The following NHLRC2 variants were observed in gnomAD, a reference collection of about 807,000 sequenced individuals.
The protein encoded by NHLRC2 is NHL repeat-containing protein 2.
In NHLRC2, 33 loss-of-function variants were observed where a neutral mutation model predicts 68.1. That is an observed-to-expected ratio of 0.48 (90% CI 0.37 to 0.65). The LOEUF (loss-of-function observed/expected upper bound fraction) is 0.65, where lower values mean the gene tolerates loss of function less well. Among genes scored for constraint, NHLRC2 ranks in the 30% least tolerant of loss-of-function variants. The probability of loss-of-function intolerance (pLI) is 0.00; values close to 1 mark genes in which losing one functional copy is unlikely to be tolerated. For synonymous variants in NHLRC2, 311 were observed against 309.6 expected (o/e 1.00, Z -0.05); for missense variants, 761 against 853.8 (o/e 0.89, Z 1.35).
intron 2 of NHLRC2, among the ~76,000 whole-genome samples, chr10:113,871,106 C>T (rs1337378693): frequency 3.5e-5 from 5 of 143,388 alleles, no homozygotes; most frequent in South Asian, 2.2e-4. Flanking sequence ...TTCACCGCAA[C>T]GTTTGCCTCT....
chr10:113,878,808 C>T (rs899301017), intron 3 of NHLRC2, among the ~76,000 whole-genome samples: 1 of 152,168 alleles, frequency 6.6e-6, no homozygotes, highest in East Asian at 1.9e-4. Flanking sequence ...AGATTACAGA[C>T]GTGAGCCACT....
Position 113,876,808 on chromosome 10 carries a change from A to T in NHLRC2, c.619A>T (p.Asn207Tyr). Reference protein sequence around the residue: ...YYKDRGQIRDNKIGIKLYKDS... With the variant: ...YYKDRGQIRDYKIGIKLYKDS... ...CAAAGACAGGGGGCAGATCAGAGAT[A>T]ATAAAATTGGAATAAAACTCTATAA... The change falls in exon 3 of 11, where the codon AAT becomes TAT. Residue 207 changes from asparagine (N) to tyrosine (Y), a missense_variant. Physicochemically the swap from Asn to Tyr is moderately radical, Grantham distance 143. Coordinates refer to ENST00000369301, the MANE Select transcript of NHLRC2 (RefSeq NM_198514.4). 6.2e-7 allele frequency: 1 copy of T among 1,612,852 alleles called. No individual in the cohort carries two copies. The highest frequency in any genetic ancestry group is 1.1e-5 in the South Asian group (1 of 91,038).
At chr10:113,879,392 A>C (rs552263643) in intron 3 of NHLRC2, among the ~76,000 whole-genome samples, 182 bp from the exon 4 acceptor site, 24 of 152,300 alleles carry the variant, frequency 1.6e-4, no homozygotes, top group African/African-American at 5.1e-4. Context: ...TAATTGTACT[A>C]TGAGCCCTGT....
Position 113,903,587 on chromosome 10 carries a change from A to G in NHLRC2, c.1555A>G (p.Asn519Asp). 6.2e-7 allele frequency: 1 copy of G among 1,612,974 alleles called. No homozygotes were observed. Among genetic ancestry groups the G allele is most frequent in the South Asian group, 1.1e-5 (1 of 91,040 alleles). Residue 519 changes from asparagine (N) to aspartate (D), a missense_variant, in exon 9 of 11, where the codon AAT (asparagine) becomes GAT (aspartate). Physicochemically the swap from Asn to Asp is conservative, Grantham distance 23. Transcript: ENST00000369301. ...AACATTAGCAGGAACTGGAGACACA[A>G]ATAATGTTACCAGTTCCAGTTTTAC... ...CTTLAGTGDT[N>D]NVTSSSFTES...
intron 2 of NHLRC2, among the ~76,000 whole-genome samples, chr10:113,862,439 A>C (rs1382942325): frequency 1.3e-5 from 2 of 152,094 alleles, no homozygotes; most frequent in Admixed American, 1.3e-4. Context: ...AAATGAAATA[A>C]GAAAAGAATT....
At chr10:113,895,492 G>A (rs958875631) in intron 5 of NHLRC2, among the ~76,000 whole-genome samples, 3 of 152,212 alleles carry the variant, frequency 2.0e-5, no homozygotes, top group African/African-American at 7.2e-5. Context: ...GATAAGGGGA[G>A]TAGGGAAGAA....
chr10:113,899,563 C>G (rs190727064), intron 6 of NHLRC2, among the ~76,000 whole-genome samples: 16 of 152,260 alleles, frequency 1.1e-4, no homozygotes, highest in Middle Eastern at 3.4e-3. Flanking sequence ...AGTGAACTTA[C>G]AGAGGAAGAA....
chr10:113,901,651 A>C lies in NHLRC2; in HGVS notation c.1140-15A>C, dbSNP rs1295412712. The C allele has an allele frequency of 6.4e-7, 1 of 1,551,316 alleles. No homozygotes were observed. The highest frequency in any genetic ancestry group is 8.9e-7 in the Non-Finnish European group (1 of 1,123,036). ...TACCACATGTTGACTCCACCTATGA[A>C]CTTGTCTTTTTCAGTGAGTTAACAA... On this transcript the variant is annotated splice_polypyrimidine_tract_variant and intron_variant, in intron 6 of 10. Coordinates refer to ENST00000369301, the MANE Select transcript of NHLRC2 (RefSeq NM_198514.4).
chr10:113,859,634 A>G (rs968967394), intron 2 of NHLRC2, among the ~76,000 whole-genome samples: 1 of 152,192 alleles, frequency 6.6e-6, no homozygotes, highest in African/African-American at 2.4e-5. Flanking sequence ...GTTATTAAAA[A>G]TTTATCTGTA....
intron 1 of NHLRC2, among the ~76,000 whole-genome samples, chr10:113,857,333 A>G (rs1845769528): frequency 6.6e-6 from 1 of 152,178 alleles, no homozygotes; most frequent in African/African-American, 2.4e-5. Flanking sequence ...GAAGTTTTGT[A>G]TGATCACTTG....
rs899694502 is a variant in NHLRC2, at chr10:113,909,965, A to G, written c.*1429A>G. 2 of 152,280 alleles carry G rather than the reference A, an allele frequency of 1.3e-5. No individual in the cohort carries two copies. Among genetic ancestry groups the G allele is most frequent in the Non-Finnish European group, 2.9e-5 (2 of 68,026 alleles). 9.4% of individuals were successfully genotyped at this position (152,280 alleles called of 1,614,324 possible). A position where few individuals can be genotyped will look rare whatever the true frequency, so the allele number is the denominator to read the frequency against. On this transcript the variant is annotated 3_prime_UTR_variant, in exon 11 of 11. Coordinates refer to ENST00000369301, the MANE Select transcript of NHLRC2 (RefSeq NM_198514.4). ...AATGTAGTATTAGTTTGTTTTATTC[A>G]TAAGGTTAGCTGAATCTCTGAAGTA...
chr10:113,879,549 A>C, intron 3 of NHLRC2, 25 bp from the exon 4 acceptor site: 1 of 1,584,566 alleles, frequency 6.3e-7, no homozygotes, highest in South Asian at 1.2e-5. Context: ...TCACTTCTTA[A>C]GTGGCAAATT....
In NHLRC2 at chr10:113,876,954, A is replaced by G. The variant is rs750685653; in HGVS notation, c.765A>G (p.Gly255=). 5.0e-6 allele frequency: 8 copies of G among 1,597,312 alleles called. No individual in the cohort carries two copies. In the East Asian group the frequency reaches 1.3e-4, roughly 27 times the overall value. ...GAATTTTGGTCGTTTGGAAGAATGGACAAATTCAATATAGCATTGGAGGTA... is the reference window on the plus strand; with the variant it reads ...GAATTTTGGTCGTTTGGAAGAATGGGCAAATTCAATATAGCATTGGAGGTA... ...HHRILVVWKN[G]QIQYSIGGPN... The change falls in exon 3 of 11, where the codon GGA becomes GGG. Residue 255 remains glycine, a synonymous_variant. Transcript: ENST00000369301.
rs1420946285 is a variant in NHLRC2, at chr10:113,912,718, T to C, written c.*4182T>C. On this transcript the variant is annotated 3_prime_UTR_variant, in exon 11 of 11. Coordinates refer to ENST00000369301, the MANE Select transcript of NHLRC2 (RefSeq NM_198514.4). ...TAACCTTATAAATCGGGCAGGTAGA[T>C]GTTAGTTTACAGAGGAGGAGACAGC... The C allele has an allele frequency of 2.6e-5, 4 of 152,232 alleles. No individual in the cohort carries two copies. Among genetic ancestry groups the C allele is most frequent in the Non-Finnish European group, 5.9e-5 (4 of 68,042 alleles). 9.4% of individuals were successfully genotyped at this position (152,232 alleles called of 1,614,324 possible). A position where few individuals can be genotyped will look rare whatever the true frequency, so the allele number is the denominator to read the frequency against.
At chr10:113,884,479 T>C (rs1243469593) in intron 5 of NHLRC2, 99 bp downstream of exon 5, 2 of 941,094 alleles carry the variant, frequency 2.1e-6, no homozygotes, top group Non-Finnish European at 3.1e-6. Flanking sequence ...TTACTAGTTA[T>C]TTTATTTTAT....
chr10:113,868,359 TAAA>T (rs1845889398), intron 2 of NHLRC2, among the ~76,000 whole-genome samples: 3 of 152,198 alleles, frequency 2.0e-5, no homozygotes, highest in Admixed American at 2.0e-4. Flanking sequence ...AAAGGATTCA[TAAA>T]GGGCAGAATC....
At position 113,901,903 on chromosome 10, in the gene NHLRC2, GACAGTCACTCTTGC is replaced by G; in HGVS notation, c.1371+12_1371+25del. 6.3e-7 allele frequency: 1 copy of G among 1,586,172 alleles called. No individual in the cohort carries two copies. Among genetic ancestry groups the G allele is most frequent in the Non-Finnish European group, 8.7e-7 (1 of 1,154,606 alleles). On this transcript the variant is annotated splice_region_variant and intron_variant, in intron 7 of 10. Transcript: ENST00000369301. ...GAGGAGAAAGAGACCCCATGGTAAT[GACAGTCACTCTTGC>G]ACAGTGCGCTCGGACACTGAGCAAG...
In NHLRC2 at chr10:113,857,034, T is replaced by G. The variant is rs115997121; in HGVS notation, c.179-1494T>G. 2.7e-3 allele frequency among the ~76,000 whole-genome samples: 411 copies of G among 152,308 alleles called. 2 individuals are homozygous for G. The highest frequency in any genetic ancestry group is 9.6e-3 in the African/African-American group (401 of 41,564). On this transcript the variant is annotated intron_variant, in intron 1 of 10. Coordinates refer to ENST00000369301, the MANE Select transcript of NHLRC2 (RefSeq NM_198514.4). ...TTTCTCACTTGCAAAACTGAACTAT[T>G]ATTTACCTTTCAGGATTATTATTTG...
chr10:113,863,199 C>A (rs893954954), intron 2 of NHLRC2, among the ~76,000 whole-genome samples: 10 of 152,100 alleles, frequency 6.6e-5, no homozygotes, highest in African/African-American at 2.4e-4. Context: ...GGGACATTTT[C>A]CAGGATAGAC....
Sources: allele counts gnomAD v4.1 joint callset (sites outside exome capture counted in the v4.1 genomes callset), GRCh38; gene constraint gnomAD v4.1.1; transcripts MANE v1.5; gene names NCBI Gene and HGNC (gene_info 2026-07-23, HGNC 2026-07-21).